Variants in ZNF200 observed in about 807,000 individuals in gnomAD.
ZNF200 encodes the protein zinc finger protein 200.
A neutral mutation model predicts 33.6 loss-of-function variants in ZNF200; 35 were observed. The ratio of observed to expected loss-of-function variants is 1.04; its 90% CI spans 0.80 to 1.38. The LOEUF is 1.38. Ranked by LOEUF, ZNF200 falls within the 40% of genes most tolerant of loss-of-function variation. ZNF200 has a pLI of 0.00. For synonymous variants in ZNF200, 209 were observed against 167.7 expected (o/e 1.25, Z -1.90); for missense variants, 592 against 470.6 (o/e 1.26, Z -2.39).
intron 4 of ZNF200, among the ~76,000 whole-genome samples, chr16:3,229,525 C>T (rs951267642): frequency 3.3e-5 from 5 of 152,112 alleles, no homozygotes; most frequent in Non-Finnish European, 7.3e-5. Context: ...CCAAGAAAAG[C>T]ACCAGCCTCA....
At chr16:3,234,323 C>A in intron 1 of ZNF200, 1 of 152,454 alleles carries the variant, frequency 6.6e-6, no homozygotes, top group Non-Finnish European at 1.5e-5. Context: ...TTGCTTGTGC[C>A]CAGGAGGTCG....
At chr16:3,233,462 T>C (rs1567224817) in intron 2 of ZNF200, 44 bp downstream of exon 2, 1 of 1,501,702 alleles carries the variant, frequency 6.7e-7, no homozygotes, top group Admixed American at 2.4e-5. Context: ...TAGACTCCAG[T>C]ACCTCCTCCT....
At chr16:3,233,280 C>G (rs1340867204) in intron 2 of ZNF200, among the ~76,000 whole-genome samples, 1 of 152,198 alleles carries the variant, frequency 6.6e-6, no homozygotes, top group Admixed American at 6.5e-5. Flanking sequence ...AGATATTTCC[C>G]TCAGAATGTT....
In ZNF200 at chr16:3,231,493, G is replaced by A. The variant is rs554996460; in HGVS notation, c.466+928C>T. ...AAAAGCCCTGAAGGCAAAGTAAAAAGTGTCCGGCACTCAGTAAAGACATTT... is the reference window on the plus strand; with the variant it reads ...AAAAGCCCTGAAGGCAAAGTAAAAAATGTCCGGCACTCAGTAAAGACATTT... On this transcript the variant is annotated intron_variant, in intron 4 of 4. Coordinates refer to ENST00000414144, the MANE Select transcript of ZNF200 (RefSeq NM_198088.3). Among the ~76,000 whole-genome samples the A allele has an allele frequency of 2.0e-5, 3 of 152,176 alleles. No homozygotes were observed. In the East Asian group the frequency reaches 5.8e-4, roughly 29 times the overall value.
intron 4 of ZNF200, among the ~76,000 whole-genome samples, chr16:3,230,182 C>G (rs1194156915): frequency 1.3e-5 from 2 of 152,224 alleles, no homozygotes; most frequent in Admixed American, 6.5e-5. Context: ...AAGCCCTCAC[C>G]AGAAGCAGAC....
At chr16:3,229,642 G>C (rs1830066165) in intron 4 of ZNF200, among the ~76,000 whole-genome samples, 2 of 152,116 alleles carry the variant, frequency 1.3e-5, no homozygotes, top group African/African-American at 4.8e-5. Flanking sequence ...AAGGCGGGCA[G>C]ATCACAAGGT....
intron 4 of ZNF200, 110 bp downstream of exon 4, chr16:3,232,311 G>T: frequency 8.2e-7 from 1 of 1,217,358 alleles, no homozygotes; most frequent in Non-Finnish European, 1.1e-6. Flanking sequence ...TAAAATGTGT[G>T]TGTGCACATA....
intron 4 of ZNF200, among the ~76,000 whole-genome samples, chr16:3,231,037 T>C (rs1958622945): frequency 6.6e-6 from 1 of 152,184 alleles, no homozygotes; most frequent in Admixed American, 6.5e-5. Context: ...AACCCAATCC[T>C]GCCTGAGGAA....
chr16:3,231,535 C>T (rs981879092), intron 4 of ZNF200, among the ~76,000 whole-genome samples: 7 of 152,174 alleles, frequency 4.6e-5, no homozygotes, highest in South Asian at 2.1e-4. Flanking sequence ...GCCTCTGCCT[C>T]TAGGGTTGCA....
chr16:3,226,541 G>A (rs575077415), intron 4 of ZNF200: 84 of 152,198 alleles, frequency 5.5e-4, no homozygotes, highest in African/African-American at 2.0e-3. Context: ...TCTCATTGTA[G>A]TTTTACTTTG....
At position 3,233,576 on chromosome 16, in the gene ZNF200, G is replaced by C. The variant is rs1958703714; in HGVS notation, c.180C>G (p.Val60=). The change falls in exon 2 of 5, where the codon GTC becomes GTG. Residue 60 remains valine, a synonymous_variant. Coordinates refer to ENST00000414144, the MANE Select transcript of ZNF200 (RefSeq NM_198088.3). ...FLTFLPKPSL[V]QPSQKVKETL... Reference sequence around the variant, plus strand: ...TCTCCTTGACTTTCTGACTGGGCTGGACCAGGCTTGGCTTGGGCAAGAAGG... The same window carrying C: ...TCTCCTTGACTTTCTGACTGGGCTGCACCAGGCTTGGCTTGGGCAAGAAGG... 6.2e-7 allele frequency: 1 copy of C among 1,611,504 alleles called. No individual in the cohort carries two copies. The highest frequency in any genetic ancestry group is 8.5e-7 in the Non-Finnish European group (1 of 1,178,810).
intron 1 of ZNF200, 117 bp from the exon 2 acceptor site, chr16:3,233,953 G>A (rs1442784393): frequency 5.6e-6 from 4 of 712,636 alleles, no homozygotes; most frequent in East Asian, 3.1e-5. Flanking sequence ...AGCTGGGATA[G>A]GGAAATCATA....
At chr16:3,230,591 AC>A (rs1311335486) in intron 4 of ZNF200, among the ~76,000 whole-genome samples, 2 of 152,236 alleles carry the variant, frequency 1.3e-5, no homozygotes, top group Non-Finnish European at 2.9e-5. Flanking sequence ...CACTTGGCCA[AC>A]ACACACATTC....
rs368342173 is a variant in ZNF200, at chr16:3,231,706, C to T, written c.466+715G>A. On this transcript the variant is annotated intron_variant, in intron 4 of 4. Coordinates refer to ENST00000414144, the MANE Select transcript of ZNF200 (RefSeq NM_198088.3). ...ACCAACCATACACGGAATTCATTGA[C>T]AAAATTATGAGAAATGCATCTAGGA... Among the ~76,000 whole-genome samples, 8 of 152,282 alleles carry T rather than the reference C, an allele frequency of 5.3e-5. No individual in the cohort carries two copies. The East Asian group carries it at 7.7e-4, about 15-fold the overall frequency.
rs1958405878 is a variant in ZNF200, at chr16:3,224,180, T to A, written c.900A>T (p.Arg300=). 6.2e-7 allele frequency: 1 copy of A among 1,614,216 alleles called. No homozygotes were observed. Among genetic ancestry groups the A allele is most frequent in the Non-Finnish European group, 8.5e-7 (1 of 1,180,044 alleles). ...NHKTNLNKHE[R]IHTGEKPYSC... Reference sequence around the variant, plus strand: ...AATAAGGTTTCTCTCCTGTATGAATTCGCTCATGTTTATTGAGGTTTGTTT... The same window carrying A: ...AATAAGGTTTCTCTCCTGTATGAATACGCTCATGTTTATTGAGGTTTGTTT... Residue 300 remains arginine (R), a synonymous_variant, in exon 5 of 5, where the codon CGA becomes CGT. Transcript: ENST00000414144.
In ZNF200 at chr16:3,233,683, A is replaced by C; in HGVS notation, c.73T>G (p.Ser25Ala). The C allele has an allele frequency of 7.4e-6, 12 of 1,613,770 alleles. No individual in the cohort carries two copies. Among genetic ancestry groups the C allele is most frequent in the Non-Finnish European group, 1.0e-5 (12 of 1,179,958 alleles). The change falls in exon 2 of 5, where the codon TCC becomes GCC. Residue 25 changes from serine to alanine, a missense_variant. Physicochemically the swap from Ser to Ala is moderately conservative, Grantham distance 99. Transcript: ENST00000414144. ...CGAAGTAGGTCTTGGCCCAGCTTGG[A>C]GTCTGGCGGAACTCTCAGTATAAAG... Reference protein sequence around the residue: ...QSFILRVPPDSKLGQDLLRDA... With the variant: ...QSFILRVPPDAKLGQDLLRDA...
At chr16:3,233,003 C>T (rs760212440) in intron 2 of ZNF200, 82 bp from the exon 3 acceptor site, 2 of 1,271,384 alleles carry the variant, frequency 1.6e-6, no homozygotes, top group Non-Finnish European at 2.2e-6. Flanking sequence ...GCCAGGCTGT[C>T]CTCATTCCTT....
chr16:3,229,637 G>A (rs531557389), intron 4 of ZNF200, among the ~76,000 whole-genome samples: 11 of 151,946 alleles, frequency 7.2e-5, no homozygotes, highest in African/African-American at 1.2e-4. Flanking sequence ...AGGCCAAGGC[G>A]GGCAGATCAC....
chr16:3,228,778 C>G (rs137905920), intron 4 of ZNF200, among the ~76,000 whole-genome samples: 1,872 of 152,104 alleles, frequency 0.012, 37 homozygotes, highest in African/African-American at 0.041. Context: ...GGGATTACAG[C>G]CGTGAACCAC....
Sources: allele counts gnomAD v4.1 joint callset (sites outside exome capture counted in the v4.1 genomes callset), GRCh38; gene constraint gnomAD v4.1.1; transcripts MANE v1.5; gene names NCBI Gene and HGNC (gene_info 2026-07-23, HGNC 2026-07-21).